LARGE1: variants seen among roughly 807,000 people sequenced by gnomAD.
LARGE1 encodes LARGE xylosyl- and glucuronyltransferase 1.
LARGE1 carries 43 observed loss-of-function variants against 87.6 expected under a neutral mutation model. That is an observed-to-expected ratio of 0.49 (90% CI 0.38 to 0.63). LARGE1 has a LOEUF of 0.63. Among genes scored for constraint, LARGE1 ranks in the 30% least tolerant of loss-of-function variants. LARGE1 has a pLI of 0.00. For missense variants in LARGE1, 802 were observed against 1,000.2 expected (o/e 0.80, Z 2.67); for synonymous variants, 434 against 394.6 (o/e 1.10, Z -1.18).
chr22:33,375,627 A>T (rs1020229980), intron 9 of LARGE1, among the ~76,000 whole-genome samples: 14 of 152,258 alleles, frequency 9.2e-5, no homozygotes, highest in South Asian at 6.2e-4. Context: ...GCCTTAGAGT[A>T]GATGAATAAA....
intron 1 of LARGE1, among the ~76,000 whole-genome samples, chr22:33,828,034 A>C (rs2062850534): frequency 6.6e-6 from 1 of 152,216 alleles, no homozygotes; most frequent in South Asian, 2.1e-4. Context: ...AGAAATTGCT[A>C]AGATTTGGGC....
chr22:33,732,199 C>T (rs1346290229), intron 2 of LARGE1: 1 of 152,222 alleles, frequency 6.6e-6, no homozygotes, highest in Non-Finnish European at 1.5e-5. Context: ...AAGAACAGCA[C>T]AGAAAGGTCG....
intron 11 of LARGE1, among the ~76,000 whole-genome samples, chr22:33,171,857 A>C (rs1451890521): frequency 6.6e-6 from 1 of 152,234 alleles, no homozygotes; most frequent in Non-Finnish European, 1.5e-5. Flanking sequence ...CCACTGGGGC[A>C]CTGCCTAGTG....
chr22:33,071,749 C>T, the LARGE1 span, among the ~76,000 whole-genome samples: 2 of 152,102 alleles, frequency 1.3e-5, no homozygotes, highest in Non-Finnish European at 1.5e-5. Context: ...TGGGAAGGGC[C>T]TATGAATCTG....
chr22:33,918,355 G>T (rs1486892970), intron 1 of LARGE1, among the ~76,000 whole-genome samples: 1 of 152,118 alleles, frequency 6.6e-6, no homozygotes, highest in Non-Finnish European at 1.5e-5. Flanking sequence ...CTGCCAGGGG[G>T]ATTTGATTCC....
rs544996537 is a variant in LARGE1, at chr22:33,768,301, C to T, written c.-82-6743G>A. Among the ~76,000 whole-genome samples the T allele has an allele frequency of 3.3e-5, 5 of 151,854 alleles. No individual in the cohort carries two copies. In the South Asian group the frequency reaches 1.0e-3, roughly 32 times the overall value. ...CGACAGAGCGAGACTCCGTCCCACT[C>T]CAAAGAAAAAAAAACCAAGTCCTAT... On this transcript the variant is annotated intron_variant, in intron 1 of 14. Transcript: ENST00000397394.
intron 7 of LARGE1, among the ~76,000 whole-genome samples, chr22:33,411,152 C>T (rs1037121937): frequency 1.3e-5 from 2 of 152,200 alleles, no homozygotes; most frequent in African/African-American, 4.8e-5. Context: ...GAGAAAACCC[C>T]TGACCTTGTA....
At chr22:33,767,611 G>C (rs571345916) in intron 1 of LARGE1, among the ~76,000 whole-genome samples, 15 of 152,102 alleles carry the variant, frequency 9.9e-5, no homozygotes, top group African/African-American at 3.6e-4. Flanking sequence ...TTCCAAGCGT[G>C]TGCGCCAGCT....
the LARGE1 span, among the ~76,000 whole-genome samples, chr22:33,117,509 G>C: frequency 1.3e-5 from 2 of 151,752 alleles, no homozygotes; most frequent in African/African-American, 4.8e-5. Context: ...GGGTCTTAGA[G>C]ACATTGAGGA....
In LARGE1 at chr22:33,277,243, C is replaced by T; in HGVS notation, c.1890G>A (p.Trp630Ter). The change falls in exon 14 of 15, where the codon TGG becomes TGA. Residue 630 changes from tryptophan to a stop codon, truncating the protein, a stop_gained. Coordinates refer to ENST00000397394, the MANE Select transcript of LARGE1 (RefSeq NM_133642.5). LOFTEE classifies it high-confidence loss of function. ...GTLFTFRYHVWTKGHAPTNFA... is the reference protein window; with the variant it reads ...GTLFTFRYHV ...AGTTTGTGGGTGCGTGGCCTTTCGT[C>T]CAGACGTGGTACCTGAGACACACGG... is the stretch of plus-strand genomic sequence containing the variant. 6.2e-7 allele frequency: 1 copy of T among 1,614,176 alleles called. No individual in the cohort carries two copies. Among genetic ancestry groups the T allele is most frequent in the Non-Finnish European group, 8.5e-7 (1 of 1,180,036 alleles).
intron 6 of LARGE1, among the ~76,000 whole-genome samples, chr22:33,472,857 T>C (rs1454857401): frequency 2.0e-5 from 3 of 152,232 alleles, no homozygotes; most frequent in Non-Finnish European, 4.4e-5. Flanking sequence ...ATGATACCAG[T>C]AGCAGTGCTG....
intron 11 of LARGE1, among the ~76,000 whole-genome samples, chr22:33,234,162 A>G (rs903051235): frequency 6.6e-6 from 1 of 152,254 alleles, no homozygotes; most frequent in Admixed American, 6.5e-5. Context: ...TCAGGGTCCT[A>G]GCAAATGAAG....
rs141701921 is a variant in LARGE1 at position 33,693,232 on chromosome 22, C to T, written c.107-42564G>A. Among the ~76,000 whole-genome samples, 383 of 152,224 alleles carry T rather than the reference C, an allele frequency of 2.5e-3. 3 individuals carry two copies. Among genetic ancestry groups the T allele is most frequent in the African/African-American group, 9.0e-3 (372 of 41,524 alleles). On this transcript the variant is annotated intron_variant, in intron 2 of 14. Transcript: ENST00000397394. ...GGCAGAAAGAGCAGTACAGTGGACA[C>T]TGGAGACTCAGAAGCGGGAAAGCTG...
At chr22:33,550,936 C>A (rs1465777703) in intron 6 of LARGE1, among the ~76,000 whole-genome samples, 1 of 152,108 alleles carries the variant, frequency 6.6e-6, no homozygotes, top group Non-Finnish European at 1.5e-5. Context: ...CTAAGTGAAA[C>A]AAGCCAGACA....
At chr22:33,536,577 T>C (rs2077050361) in intron 6 of LARGE1, among the ~76,000 whole-genome samples, 2 of 152,214 alleles carry the variant, frequency 1.3e-5, no homozygotes, top group African/African-American at 4.8e-5. Context: ...AACATAATTA[T>C]CTCTCCTGTT....
At chr22:33,628,557 C>T (rs910984147) in intron 3 of LARGE1, among the ~76,000 whole-genome samples, 26 of 152,224 alleles carry the variant, frequency 1.7e-4, no homozygotes, top group South Asian at 4.1e-4. Context: ...CTCAAGTGAT[C>T]CACTCACCTT....
At chr22:33,254,374 G>A (rs1189288755) in intron 11 of LARGE1, among the ~76,000 whole-genome samples, 3 of 152,304 alleles carry the variant, frequency 2.0e-5, no homozygotes, top group Admixed American at 2.0e-4. Flanking sequence ...ACAATAGTAG[G>A]CCCATTGTTG....
chr22:33,263,148 C>T (rs1325122514), intron 11 of LARGE1, among the ~76,000 whole-genome samples: 2 of 152,180 alleles, frequency 1.3e-5, no homozygotes, highest in African/African-American at 2.4e-5. Flanking sequence ...CCACCTCAGC[C>T]TCCCAAAGTG....
intron 1 of LARGE1, among the ~76,000 whole-genome samples, chr22:33,783,461 A>G (rs921291892): frequency 2.0e-5 from 3 of 152,110 alleles, no homozygotes; most frequent in Admixed American, 1.3e-4. Flanking sequence ...GCTACTTGGG[A>G]GGCTGTGGCA....
Sources: allele counts gnomAD v4.1 joint callset (sites outside exome capture counted in the v4.1 genomes callset), GRCh38; gene constraint gnomAD v4.1.1; transcripts MANE v1.5; gene names NCBI Gene and HGNC (gene_info 2026-07-23, HGNC 2026-07-21).